LRRC37A2: variants seen among roughly 807,000 people sequenced by gnomAD.
The protein encoded by LRRC37A2 is leucine rich repeat containing 37 member A2, also known as leucine-rich repeat-containing protein 37A2.
In LRRC37A2, 9 loss-of-function variants were observed where a neutral mutation model predicts 68.8. The observed-to-expected ratio is 0.13, with a 90% CI of 0.08 to 0.23. LRRC37A2 has a LOEUF of 0.23. Among genes scored for constraint, LRRC37A2 ranks in the 10% least tolerant of loss-of-function variants. The probability of loss-of-function intolerance (pLI) is 1.00; values close to 1 mark genes in which losing one functional copy is unlikely to be tolerated. For missense variants in LRRC37A2, 168 were observed against 950.4 expected, an observed-to-expected ratio of 0.18 and a Z score of 10.82; for synonymous variants, 63 against 367.6, an observed-to-expected ratio of 0.17 and a Z score of 9.48.
chr17:46,777,191 CAG>C, the LRRC37A2 span, among the ~76,000 whole-genome samples: 1 of 151,890 alleles, frequency 6.6e-6, no homozygotes, highest in Non-Finnish European at 1.5e-5. Context: ...GCTTGGGCGA[CAG>C]AGCGAGACTT....
At chr17:46,877,040 G>A in the LRRC37A2 span, 1 of 1,161,246 alleles carries the variant, frequency 8.6e-7, no homozygotes, top group African/African-American at 1.6e-5. Context: ...ATTTTGGACG[G>A]GAGAGAGGGG....
the LRRC37A2 span, chr17:46,966,521 G>C: frequency 2.9e-6 from 2 of 687,802 alleles, no homozygotes; most frequent in Admixed American, 4.1e-5. Context: ...TTAATTTTTT[G>C]TATTTTTTGC....
At chr17:46,763,289 G>C in the LRRC37A2 span, 1 of 152,258 alleles carries the variant, frequency 6.6e-6, no homozygotes, top group Non-Finnish European at 1.5e-5. Flanking sequence ...CCTCCCTTTT[G>C]CTAGCTTTCT....
At chr17:46,895,921 G>T in the LRRC37A2 span, among the ~76,000 whole-genome samples, 1 of 152,120 alleles carries the variant, frequency 6.6e-6, no homozygotes, top group African/African-American at 2.4e-5. Flanking sequence ...GGAGCCTGGT[G>T]CTGGGCAGGG....
the LRRC37A2 span, among the ~76,000 whole-genome samples, chr17:46,855,003 G>A: frequency 6.6e-6 from 1 of 152,196 alleles, no homozygotes; most frequent in African/African-American, 2.4e-5. Flanking sequence ...GATCCTCAGA[G>A]CCATTTCTCC....
chr17:46,805,274 C>CA, the LRRC37A2 span, among the ~76,000 whole-genome samples: 69 of 148,262 alleles, frequency 4.7e-4, no homozygotes, highest in African/African-American at 5.9e-4. Context: ...GCTATCTCTA[C>CA]AAAAAAAAAG....
the LRRC37A2 span, among the ~76,000 whole-genome samples, chr17:46,887,517 C>A: frequency 2.0e-5 from 3 of 152,076 alleles, no homozygotes; most frequent in Non-Finnish European, 4.4e-5. Flanking sequence ...GTAATCCCAG[C>A]ATTTTGGAAG....
the LRRC37A2 span, among the ~76,000 whole-genome samples, chr17:46,889,057 C>G: frequency 6.4e-4 from 97 of 152,284 alleles, no homozygotes; most frequent in South Asian, 8.9e-3. Flanking sequence ...GCCTGCTCAG[C>G]TCTTCCCTGC....
the LRRC37A2 span, among the ~76,000 whole-genome samples, chr17:46,744,763 G>A: frequency 2.0e-5 from 3 of 152,258 alleles, no homozygotes; most frequent in East Asian, 1.9e-4. Context: ...CTTAGTACTC[G>A]CTCATTCTTC....
chr17:46,732,320 A>G, the LRRC37A2 span, among the ~76,000 whole-genome samples: 1 of 152,108 alleles, frequency 6.6e-6, no homozygotes, highest in Admixed American at 6.5e-5. Flanking sequence ...GTTGTTATGT[A>G]TCCAGATATT....
At chr17:46,851,637 C>G in the LRRC37A2 span, 2 of 1,274,992 alleles carry the variant, frequency 1.6e-6, no homozygotes. This position sits in a 1 kb window ranked among gnomAD's most constrained non-coding sequence, Gnocchi z 4.3. Context: ...GCCGCCAGCA[C>G]CATGCGCCCC....
At chr17:46,746,628 C>T in the LRRC37A2 span, among the ~76,000 whole-genome samples, 1 of 152,004 alleles carries the variant, frequency 6.6e-6, no homozygotes, top group Non-Finnish European at 1.5e-5. Flanking sequence ...AAAACTTATT[C>T]CTTTTTCATT....
chr17:46,965,966 A>G, the LRRC37A2 span, among the ~76,000 whole-genome samples: 14 of 151,976 alleles, frequency 9.2e-5, no homozygotes, highest in African/African-American at 3.1e-4. Context: ...TGCTGTTTAT[A>G]ATGATGCAGG....
the LRRC37A2 span, among the ~76,000 whole-genome samples, chr17:46,822,355 C>G: frequency 6.6e-6 from 1 of 152,326 alleles, no homozygotes; most frequent in Admixed American, 6.5e-5. Context: ...GCCTAGTTTG[C>G]TGGCATAGAG....
At chr17:46,747,787 A>G in the LRRC37A2 span, among the ~76,000 whole-genome samples, 1 of 152,356 alleles carries the variant, frequency 6.6e-6, no homozygotes, top group African/African-American at 2.4e-5. Context: ...CTAGAGAATC[A>G]GTATCCAACT....
chr17:46,558,553 A>AT (rs58227880), downstream of LRRC37A2, among the ~76,000 whole-genome samples: 633 of 100,196 alleles, frequency 6.3e-3, 7 homozygotes, highest in African/African-American at 0.022. Context: ...TGCCCGGCCA[A>AT]TTTTTTTTTT....
chr17:46,822,607 T>C, the LRRC37A2 span, among the ~76,000 whole-genome samples: 3 of 152,220 alleles, frequency 2.0e-5, no homozygotes, highest in African/African-American at 7.2e-5. Context: ...CCTCAATTGT[T>C]GCTGGTGAGC....
the LRRC37A2 span, among the ~76,000 whole-genome samples, chr17:46,717,190 A>C: frequency 2.0e-5 from 3 of 152,200 alleles, no homozygotes; most frequent in Non-Finnish European, 4.4e-5. Flanking sequence ...TGTCATTTGC[A>C]ACAACATGGA....
the LRRC37A2 span, among the ~76,000 whole-genome samples, chr17:46,970,939 T>TG: frequency 6.6e-6 from 1 of 152,230 alleles, no homozygotes; most frequent in Non-Finnish European, 1.5e-5. Context: ...CCTCAAAATA[T>TG]GAAAGGCTGC....
Sources: allele counts gnomAD v4.1 joint callset (sites outside exome capture counted in the v4.1 genomes callset), GRCh38; gene constraint gnomAD v4.1.1; non-coding constraint Gnocchi (gnomAD v3.1); transcripts MANE v1.5; gene names NCBI Gene and HGNC (gene_info 2026-07-23, HGNC 2026-07-21).